Variants in OXR1 observed in about 807,000 individuals in gnomAD.
The protein encoded by OXR1 is oxidation resistance protein 1.
Under a neutral mutation model 104.6 loss-of-function variants are expected in OXR1, and 41 were observed. The ratio of observed to expected loss-of-function variants is 0.39; its 90% CI spans 0.31 to 0.51. The LOEUF (loss-of-function observed/expected upper bound fraction) is 0.51. OXR1 is among the 20% of genes least tolerant of loss of function. The probability of loss-of-function intolerance (pLI) is 0.77; values close to 1 mark genes in which losing one functional copy is unlikely to be tolerated. For synonymous variants in OXR1, 348 were observed against 348.4 expected, an observed-to-expected ratio of 1.00 and a Z score of 0.01; for missense variants, 955 against 1,031.9, an observed-to-expected ratio of 0.93 and a Z score of 1.02.
intron 11 of OXR1, among the ~76,000 whole-genome samples, chr8:106,733,825 C>CAAAA (rs35750112): frequency 1.0e-5 from 1 of 96,178 alleles, no homozygotes; most frequent in Non-Finnish European, 2.1e-5. Context: ...GACTCCGTCT[C>CAAAA]AAAAAAAAAA....
At chr8:106,597,205 A>G (rs1328943286) in intron 3 of OXR1, among the ~76,000 whole-genome samples, 1 of 152,184 alleles carries the variant, frequency 6.6e-6, no homozygotes, top group Non-Finnish European at 1.5e-5. Context: ...GATGCTGTTC[A>G]AAGGTGAGCC....
At chr8:106,581,763 C>T (rs1177945475) in intron 3 of OXR1, among the ~76,000 whole-genome samples, 1 of 151,946 alleles carries the variant, frequency 6.6e-6, no homozygotes, top group East Asian at 1.9e-4. Flanking sequence ...ATGGCTCACA[C>T]CTATAATCCC....
chr8:106,625,415 G>C (rs1196367571), intron 3 of OXR1, among the ~76,000 whole-genome samples: 1 of 152,132 alleles, frequency 6.6e-6, no homozygotes, highest in African/African-American at 2.4e-5. Flanking sequence ...GTATAACTAA[G>C]GGCTCATTAT....
chr8:106,375,592 G>A (rs1022616057), intron 2 of OXR1, among the ~76,000 whole-genome samples: 2 of 152,130 alleles, frequency 1.3e-5, no homozygotes, highest in African/African-American at 2.4e-5. Context: ...AAATATCCAC[G>A]AGACATCTGA....
chr8:106,271,421 G>T (rs994425037), intron 1 of OXR1, among the ~76,000 whole-genome samples: 1 of 152,272 alleles, frequency 6.6e-6, no homozygotes, highest in South Asian at 2.1e-4. Context: ...GTGTATTGCG[G>T]GGGTAGGGGG....
intron 2 of OXR1, among the ~76,000 whole-genome samples, chr8:106,485,761 G>A (rs1028961830): frequency 2.0e-5 from 3 of 152,036 alleles, no homozygotes; most frequent in Admixed American, 2.0e-4. Context: ...ATACATGATG[G>A]AATACAATTC....
chr8:106,302,812 C>T (rs1338364688), intron 1 of OXR1, among the ~76,000 whole-genome samples: 5 of 151,108 alleles, frequency 3.3e-5, no homozygotes, highest in East Asian at 4.0e-4. Flanking sequence ...AGTACAGTGG[C>T]GCCATCTCGG....
chr8:106,675,178 G>A (rs1827446870), intron 3 of OXR1, among the ~76,000 whole-genome samples: 1 of 152,078 alleles, frequency 6.6e-6, no homozygotes, highest in Non-Finnish European at 1.5e-5. Flanking sequence ...AGCAAAGTAG[G>A]GAGACCTACT....
At chr8:106,663,827 C>G (rs1053611816) in intron 3 of OXR1, among the ~76,000 whole-genome samples, 1 of 152,184 alleles carries the variant, frequency 6.6e-6, no homozygotes, top group African/African-American at 2.4e-5. Flanking sequence ...CCACCCCTTG[C>G]CCACATGTCC....
chr8:106,692,758 C>A lies in OXR1; in HGVS notation c.556C>A (p.Pro186Thr). Residue 186 changes from proline (P) to threonine (T), a missense_variant, in exon 7 of 17, where the codon CCC becomes ACC. By Grantham distance (38) the Pro-to-Thr change is conservative (BLOSUM62 -1). This residue lies in a region of OXR1 where 849 missense variants were observed against 852.9 expected (regional missense o/e 1.00). Coordinates refer to ENST00000517566, the MANE Select transcript of OXR1 (RefSeq NM_001198533.2). ...TGATGTCCATCCAACAGAAGCAACT[C>A]CCTCATCTACTTTCACTGGTATTCG... ...NPDVHPTEATPSSTFTGIRPA... is the reference protein window; with the variant it reads ...NPDVHPTEATTSSTFTGIRPA... The A allele has an allele frequency of 6.4e-7, 1 of 1,559,194 alleles. No individual in the cohort carries two copies. The highest frequency in any genetic ancestry group is 8.7e-7 in the Non-Finnish European group (1 of 1,151,522).
intron 3 of OXR1, among the ~76,000 whole-genome samples, chr8:106,586,864 C>T (rs1358150237): frequency 6.6e-6 from 1 of 152,082 alleles, no homozygotes; most frequent in Non-Finnish European, 1.5e-5. Context: ...TTGGTGACTT[C>T]AGCAAGAGCA....
chr8:106,656,807 ATC>A (rs1461926387), intron 3 of OXR1, among the ~76,000 whole-genome samples: 3 of 149,096 alleles, frequency 2.0e-5, no homozygotes, highest in South Asian at 2.1e-4. Context: ...TGCAAAAAAG[ATC>A]TGTCAACCAG....
At chr8:106,491,476 A>T (rs1811082727) in intron 2 of OXR1, among the ~76,000 whole-genome samples, 2 of 152,196 alleles carry the variant, frequency 1.3e-5, no homozygotes, top group African/African-American at 4.8e-5. Flanking sequence ...GAACTCTTTT[A>T]ACCAATACAT....
chr8:106,646,008 A>T (rs983949136), intron 3 of OXR1, among the ~76,000 whole-genome samples: 6 of 152,176 alleles, frequency 3.9e-5, no homozygotes, highest in African/African-American at 1.4e-4. Flanking sequence ...AAAACTACCT[A>T]ACTACTGGTT....
intron 3 of OXR1, among the ~76,000 whole-genome samples, chr8:106,542,603 G>A (rs1307117627): frequency 6.6e-6 from 1 of 151,942 alleles, no homozygotes; most frequent in African/African-American, 2.4e-5. Flanking sequence ...TACGGGTTAG[G>A]CACCTATTTT....
intron 7 of OXR1, among the ~76,000 whole-genome samples, chr8:106,700,796 T>C (rs1830521255): frequency 1.3e-5 from 2 of 152,164 alleles, no homozygotes; most frequent in South Asian, 4.1e-4. Flanking sequence ...ACCAAATAAT[T>C]GGTTAAAACT....
At chr8:106,695,761 G>T (rs927163938) in intron 7 of OXR1, among the ~76,000 whole-genome samples, 9 of 152,008 alleles carry the variant, frequency 5.9e-5, no homozygotes, top group African/African-American at 1.9e-4. Context: ...TTATAAAAAA[G>T]GATCCCTAAC....
chr8:106,404,019 TACCATTTCAGTTTCTTCAGGCA>T (rs1818112013), intron 2 of OXR1, among the ~76,000 whole-genome samples: 1 of 152,136 alleles, frequency 6.6e-6, no homozygotes, highest in African/African-American at 2.4e-5. Context: ...CCTCAGAGGA[TACCATTTCAGTTTCTTCAGGCA>T]ATGCAGGGTT....
intron 3 of OXR1, among the ~76,000 whole-genome samples, chr8:106,678,578 G>T (rs964227402): frequency 6.6e-6 from 1 of 151,968 alleles, no homozygotes; most frequent in Non-Finnish European, 1.5e-5. Context: ...AAGGGAAGCA[G>T]TTTCGCTAAT....
Sources: allele counts gnomAD v4.1 joint callset (sites outside exome capture counted in the v4.1 genomes callset), GRCh38; gene constraint gnomAD v4.1.1; regional missense constraint gnomAD v4.1.1; transcripts MANE v1.5; gene names NCBI Gene and HGNC (gene_info 2026-07-23, HGNC 2026-07-21).